DNAJC12: variants seen among roughly 807,000 people sequenced by gnomAD.
DNAJC12 encodes dnaJ homolog subfamily C member 12.
DNAJC12 carries 25 observed loss-of-function variants against 28.5 expected under a neutral mutation model. The observed-to-expected ratio is 0.88, with a 90% CI of 0.64 to 1.22. DNAJC12 has a LOEUF of 1.22. Among genes scored for constraint, DNAJC12 ranks in the 50% most tolerant of loss-of-function variants. The pLI, the probability that DNAJC12 is intolerant of heterozygous loss-of-function variation, is 0.00. For missense variants in DNAJC12, 222 were observed against 231.7 expected, an observed-to-expected ratio of 0.96 and a Z score of 0.27; for synonymous variants, 77 against 80.6, an observed-to-expected ratio of 0.95 and a Z score of 0.24.
chr10:67,812,422 G>A (rs1318834527), intron 2 of DNAJC12, among the ~76,000 whole-genome samples: 1 of 152,166 alleles, frequency 6.6e-6, no homozygotes, highest in Non-Finnish European at 1.5e-5. Context: ...GGGACAAATG[G>A]TAGCTTGTCA....
chr10:67,811,491 A>C (rs755420438), intron 3 of DNAJC12, 33 bp downstream of exon 3: 3 of 1,613,236 alleles, frequency 1.9e-6, no homozygotes, highest in Non-Finnish European at 2.5e-6. Context: ...CCTGAGCTTC[A>C]CAAATTCACG....
chr10:67,819,650 A>AAAAAAGAAAG, intron 2 of DNAJC12, among the ~76,000 whole-genome samples: 1 of 140,416 alleles, frequency 7.1e-6, no homozygotes, highest in South Asian at 2.3e-4. Context: ...AAAAGAAAGA[A>AAAAAAGAAAG]AGAAAGAAAG....
chr10:67,801,349 A>C (rs1841742105), intron 4 of DNAJC12, among the ~76,000 whole-genome samples: 1 of 152,250 alleles, frequency 6.6e-6, no homozygotes, highest in African/African-American at 2.4e-5. Context: ...AATCATAAAT[A>C]ATCATGCAAC....
At chr10:67,820,964 G>C (rs1248154116) in intron 2 of DNAJC12, among the ~76,000 whole-genome samples, 3 of 151,620 alleles carry the variant, frequency 2.0e-5, no homozygotes, top group Non-Finnish European at 4.4e-5. Flanking sequence ...TGTATTTTTA[G>C]TAGAGACACA....
rs1841794182 is a variant in DNAJC12, at chr10:67,805,740, T to G, written c.345A>C (p.Glu115Asp). The G allele has an allele frequency of 6.2e-7, 1 of 1,611,118 alleles. No homozygotes were observed. The highest frequency in any genetic ancestry group is 1.3e-5 in the African/African-American group (1 of 74,636). The change falls in exon 4 of 5, where the codon GAA becomes GAC. Residue 115 changes from glutamate to aspartate, a missense_variant. Coordinates refer to ENST00000225171, the MANE Select transcript of DNAJC12 (RefSeq NM_021800.3). ...VRGKKDLMLE[E>D]SDKTHTTKME... ...TCTTGGTGGTATGAGTCTTGTCAGA[T>G]TCTTCCAGCATCAGGTCTTTTTTAC...
chr10:67,805,908 G>A, intron 3 of DNAJC12, 121 bp from the exon 4 acceptor site: 2 of 670,440 alleles, frequency 3.0e-6, no homozygotes, highest in African/African-American at 3.7e-5. Context: ...CAGCATGTTA[G>A]ACTTGACTAT....
chr10:67,818,883 G>C (rs1841942229), intron 2 of DNAJC12, among the ~76,000 whole-genome samples: 1 of 152,078 alleles, frequency 6.6e-6, no homozygotes, highest in Non-Finnish European at 1.5e-5. Flanking sequence ...TCAAGTTCCT[G>C]ACCTCAGGTG....
intron 2 of DNAJC12, among the ~76,000 whole-genome samples, chr10:67,819,733 A>T: frequency 4.3e-5 from 1 of 23,216 alleles, no homozygotes; most frequent in African/African-American, 1.8e-4. Context: ...GAAGGAAGGA[A>T]GGAAGGAAGG....
At chr10:67,819,043 TGGGCCAGG>T (rs1010332854) in intron 2 of DNAJC12, among the ~76,000 whole-genome samples, 9 of 150,746 alleles carry the variant, frequency 6.0e-5, no homozygotes, top group Non-Finnish European at 1.2e-4. Context: ...AAGAAATGTT[TGGGCCAGG>T]GGTCGGGAGC....
At chr10:67,832,265 CAAA>C (rs200725436) in intron 1 of DNAJC12, among the ~76,000 whole-genome samples, 3 of 67,396 alleles carry the variant, frequency 4.5e-5, no homozygotes, top group Admixed American at 1.8e-4. Context: ...AACTCCATCT[CAAA>C]AAAAAAAAAA....
chr10:67,811,606 C>A lies in DNAJC12; in HGVS notation c.215G>T (p.Arg72Leu). 1 of 1,614,168 alleles carries A rather than the reference C, an allele frequency of 6.2e-7. No individual in the cohort carries two copies. Among genetic ancestry groups the A allele is most frequent in the Non-Finnish European group, 8.5e-7 (1 of 1,180,028 alleles). Residue 72 changes from arginine to leucine, a missense_variant, in exon 3 of 5, where the codon CGA (arginine) becomes CTA (leucine). Arg to Leu is a moderately radical substitution (Grantham distance 102). Transcript: ENST00000225171. ...AKEILTNEES[R>L]ARYDHWRRSQ... ...CCTTCGCCAGTGGTCATAGCGGGCT[C>A]GACTCTCTTCATTGGTCAGAATCTC...
intron 3 of DNAJC12, among the ~76,000 whole-genome samples, chr10:67,810,463 A>G (rs1841848124): frequency 6.6e-6 from 1 of 152,200 alleles, no homozygotes; most frequent in Non-Finnish European, 1.5e-5. Flanking sequence ...CCTGTGTGTG[A>G]TGCTACAAAA....
chr10:67,805,637 T>C lies in DNAJC12; in HGVS notation c.448A>G (p.Lys150Glu), dbSNP rs1227401078. 2 of 1,613,702 alleles carry C rather than the reference T, an allele frequency of 1.2e-6. No individual in the cohort carries two copies. Residue 150 changes from lysine to glutamate, a missense_variant, in exon 4 of 5, where the codon AAA (lysine) becomes GAA (glutamate). Transcript: ENST00000225171. ...LASTAEKTEQ[K>E]EPKPLEKSVS... is the part of the protein sequence containing the mutation. ...GACTTCTCTAGGGGCTTGGGTTCTT[T>C]CTGCTCCGTTTTCTCTGCGGTTGAA...
chr10:67,836,987 A>G (rs1352611946), intron 1 of DNAJC12, among the ~76,000 whole-genome samples: 1 of 150,472 alleles, frequency 6.6e-6, no homozygotes, highest in African/African-American at 2.4e-5. Flanking sequence ...TATATTTTAT[A>G]TTAATCTCAA....
chr10:67,799,149 G>A (rs2131785622), intron 4 of DNAJC12, among the ~76,000 whole-genome samples: 1 of 151,994 alleles, frequency 6.6e-6, no homozygotes, highest in South Asian at 2.1e-4. Context: ...GTCTTTTTAT[G>A]TTAATAATAT....
At chr10:67,806,819 G>A (rs1404116146) in intron 3 of DNAJC12, among the ~76,000 whole-genome samples, 5 of 62,606 alleles carry the variant, frequency 8.0e-5, no homozygotes, top group East Asian at 4.7e-4. Context: ...AGCAAGACTC[G>A]GTCTCAAAAA....
intron 2 of DNAJC12, among the ~76,000 whole-genome samples, chr10:67,819,691 A>AAAGAAAGAAAGAAAGAAAGGAAGG (rs1841955672): frequency 4.4e-5 from 1 of 22,860 alleles, no homozygotes; most frequent in Non-Finnish European, 1.1e-4. Context: ...AGAAAGAAAG[A>AAAGAAAGAAAGAAAGAAAGGAAGG]AAGAAAGGAA....
At position 67,806,604 on chromosome 10, in the gene DNAJC12, A is replaced by T. The variant is rs150888514; in HGVS notation, c.298-817T>A. Reference sequence around the variant, plus strand: ...TTTGGGAAGCCAAGGTGGGTGGATCATTTGAGGCAAGGAGTTCGAGACCAT... The same window carrying T: ...TTTGGGAAGCCAAGGTGGGTGGATCTTTTGAGGCAAGGAGTTCGAGACCAT... On this transcript the variant is annotated intron_variant, in intron 3 of 4. Coordinates refer to ENST00000225171, the MANE Select transcript of DNAJC12 (RefSeq NM_021800.3). 3.0e-3 allele frequency among the ~76,000 whole-genome samples: 454 copies of T among 152,310 alleles called. 3 individuals are homozygous for T. Among genetic ancestry groups the T allele is most frequent in the African/African-American group, 0.011 (440 of 41,578 alleles).
chr10:67,816,194 T>C (rs1395023991), intron 2 of DNAJC12: 2 of 397,614 alleles, frequency 5.0e-6, no homozygotes, highest in Non-Finnish European at 8.9e-6. Flanking sequence ...ATTACAACAG[T>C]CACATTTTAA....
Sources: allele counts gnomAD v4.1 joint callset (sites outside exome capture counted in the v4.1 genomes callset), GRCh38; gene constraint gnomAD v4.1.1; transcripts MANE v1.5; gene names NCBI Gene and HGNC (gene_info 2026-07-23, HGNC 2026-07-21).